XAF1: variants seen among roughly 807,000 people sequenced by gnomAD.
XAF1 encodes XIAP-associated factor 1.
XAF1 carries 32 observed loss-of-function variants against 32.3 expected under a neutral mutation model. The observed-to-expected ratio is 0.99, with a 90% CI of 0.75 to 1.33. The LOEUF is 1.33. XAF1 is among the 40% of genes most tolerant of loss of function. The pLI, the probability that XAF1 is intolerant of heterozygous loss-of-function variation, is 0.00. For synonymous variants in XAF1, 120 were observed against 125.9 expected, an observed-to-expected ratio of 0.95 and a Z score of 0.31; for missense variants, 379 against 366.0, an observed-to-expected ratio of 1.04 and a Z score of -0.29.
At position 6,770,759 on chromosome 17, in the gene XAF1, A is replaced by AGAT. The variant is rs1205963828; in HGVS notation, c.626_628dup (p.Asp209dup). 1.2e-6 allele frequency: 2 copies of AGAT among 1,613,958 alleles called. No homozygotes were observed. Among genetic ancestry groups the AGAT allele is most frequent in the African/African-American group, 2.7e-5 (2 of 74,930 alleles). On this transcript the variant is annotated inframe_insertion, in exon 6 of 7. Transcript: ENST00000361842. ...AAAATCAAACTTCCACGATGGAGAAAGATGTTCGTCCAAAGACAAGAAGTA... is the reference window on the plus strand; with the variant it reads ...AAAATCAAACTTCCACGATGGAGAAAGATGATGTTCGTCCAAAGACAAGAAGTA...
chr17:6,757,951 G>T, intron 1 of XAF1, 138 bp from the exon 2 acceptor site: 1 of 1,165,432 alleles, frequency 8.6e-7, no homozygotes, highest in East Asian at 2.4e-5. Flanking sequence ...CAGGGAGTGT[G>T]GGGCAGGTGG....
intron 6 of XAF1, chr17:6,772,827 A>C (rs6502977): frequency 0.98 from 293,841 of 298,620 alleles, 144,598 homozygotes; most frequent in East Asian, 1. Context: ...CCCTACAAAC[A>C]AAACAGTGTG....
At chr17:6,768,464 T>C (rs182933417) in intron 5 of XAF1, among the ~76,000 whole-genome samples, 12 of 152,286 alleles carry the variant, frequency 7.9e-5, no homozygotes, top group African/African-American at 2.9e-4. Context: ...CTCACATTCT[T>C]CCTTGGATCC....
chr17:6,761,746 A>G (rs1049787955), intron 4 of XAF1: 1 of 965,410 alleles, frequency 1.0e-6, no homozygotes, highest in Non-Finnish European at 1.4e-6. Flanking sequence ...ACAACACAAC[A>G]CAGCTTCAAC....
intron 5 of XAF1, among the ~76,000 whole-genome samples, chr17:6,765,200 T>G (rs1040509792): frequency 6.6e-6 from 1 of 152,054 alleles, no homozygotes; most frequent in African/African-American, 2.4e-5. Flanking sequence ...GATCACAAGG[T>G]CAGGAGATCG....
At chr17:6,760,349 A>AG (rs1975088154) in intron 3 of XAF1, 57 bp from the exon 4 acceptor site, 1 of 614,218 alleles carries the variant, frequency 1.6e-6, no homozygotes, top group Non-Finnish European at 2.3e-6. Context: ...CTCTGTCTCA[A>AG]AAAAAAAAAA....
rs79865199 is a variant in XAF1 at position 6,767,542 on chromosome 17, A to T, written c.508-3101A>T. Among the ~76,000 whole-genome samples the T allele has an allele frequency of 2.5e-3, 377 of 152,318 alleles. 3 individuals are homozygous for T. Among genetic ancestry groups the T allele is most frequent in the African/African-American group, 8.7e-3 (362 of 41,582 alleles). On this transcript the variant is annotated intron_variant, in intron 5 of 6. Coordinates refer to ENST00000361842, the MANE Select transcript of XAF1 (RefSeq NM_017523.5). ...CAAAAGTTTTCCAGGCTTGAACTAT[A>T]CTTTGTTTGTTTTCTTTTTTCTAAA...
chr17:6,760,650 C>A, intron 4 of XAF1, 49 bp downstream of exon 4: 1 of 1,554,818 alleles, frequency 6.4e-7, no homozygotes, highest in South Asian at 1.2e-5. Flanking sequence ...GGGCCAGAGC[C>A]TTTCCTGGAT....
At chr17:6,759,797 C>A in intron 3 of XAF1, 79 bp downstream of exon 3, 1 of 1,607,776 alleles carries the variant, frequency 6.2e-7, no homozygotes, top group African/African-American at 1.3e-5. Flanking sequence ...AACGGGAGGC[C>A]AGTAATAGAG....
rs1471845619 is a variant in XAF1 at position 6,770,823 on chromosome 17, A to G, written c.688A>G (p.Lys230Glu). 1 of 1,613,668 alleles carries G rather than the reference A, an allele frequency of 6.2e-7. No homozygotes were observed. The highest frequency in any genetic ancestry group is 1.1e-5 in the South Asian group (1 of 90,890). Residue 230 changes from lysine to glutamate, a missense_variant, in exon 6 of 7, where the codon AAA becomes GAA. Coordinates refer to ENST00000361842, the MANE Select transcript of XAF1 (RefSeq NM_017523.5). ...TCTTCATTCTGAAAGTTCATCAAAG[A>G]AAGCACCAAGAAGCAAAAACAAAAC... ...FPLHSESSSK[K>E]APRSKNKTLD...
Position 6,762,180 on chromosome 17 carries a change from G to A in XAF1, c.447G>A (p.Arg149=). 1.9e-6 allele frequency: 3 copies of A among 1,613,740 alleles called. No individual in the cohort carries two copies. The highest frequency in any genetic ancestry group is 2.5e-6 in the Non-Finnish European group (3 of 1,179,822). The change falls in exon 5 of 7, where the codon AGG becomes AGA. Residue 149 remains arginine, a synonymous_variant. Coordinates refer to ENST00000361842, the MANE Select transcript of XAF1 (RefSeq NM_017523.5). ...GKGERISAPE[R]EIYCHYCNQM... ...GGGAAAGAATTTCAGCTCCTGAAAG[G>A]GAAATCTACTGTCATTATTGCAACC...
At chr17:6,759,132 A>T in intron 2 of XAF1, 1 of 1,017,906 alleles carries the variant, frequency 9.8e-7, no homozygotes, top group Non-Finnish European at 1.2e-6. Flanking sequence ...GACTCACTTG[A>T]GGGCCATGGG....
intron 1 of XAF1, chr17:6,756,406 C>T (rs1452442637): frequency 1.5e-6 from 1 of 687,864 alleles, no homozygotes; most frequent in Non-Finnish European, 2.2e-6. Flanking sequence ...GCTACTCATA[C>T]TTGTGAGACC....
In XAF1 at chr17:6,759,793, A is replaced by G. The variant is rs1975031615; in HGVS notation, c.225+75A>G. 3 of 1,609,950 alleles carry G rather than the reference A, an allele frequency of 1.9e-6. No homozygotes were observed. The South Asian group carries it at 3.3e-5, about 18-fold the overall frequency. On this transcript the variant is annotated intron_variant, in intron 3 of 6. Transcript: ENST00000361842. ...GAAAAGGAGAGGAAGGGGAAACGGG[A>G]GGCCAGTAATAGAGATTTCCACCTG...
rs115658834 is a variant in XAF1 at position 6,763,272 on chromosome 17, T to C, written c.507+1032T>C. Among the ~76,000 whole-genome samples the C allele has an allele frequency of 6.6e-3, 1,001 of 152,338 alleles. 11 individuals carry two copies. Among genetic ancestry groups the C allele is most frequent in the African/African-American group, 0.023 (948 of 41,574 alleles). On this transcript the variant is annotated intron_variant, in intron 5 of 6. Coordinates refer to ENST00000361842, the MANE Select transcript of XAF1 (RefSeq NM_017523.5). ...CACTTACCGTAACATTTTCAAGGTT[T>C]GCCCGTGTTGTAGTTGTGGCATGTG... is the stretch of plus-strand genomic sequence containing the variant.
rs1266323606 is a variant in XAF1 at position 6,774,036 on chromosome 17, A to AG, written c.*868dup. On this transcript the variant is annotated 3_prime_UTR_variant, in exon 7 of 7. Coordinates refer to ENST00000361842, the MANE Select transcript of XAF1 (RefSeq NM_017523.5). The stretch of plus-strand genomic sequence containing the variant: ...TACCAATAACATTCTTCACAGAATC[A>AG]GAAAAAAAAAGCATTAAAATTTATT... The AG allele has an allele frequency of 5.3e-5, 8 of 152,320 alleles. No individual in the cohort carries two copies. In the East Asian group the frequency reaches 9.6e-4, roughly 18 times the overall value. The allele number at this position is 152,320 out of a possible 1,614,324, so 9.4% of individuals were successfully genotyped here. A position where few individuals can be genotyped will look rare whatever the true frequency, so the allele number is the denominator to read the frequency against.
intron 1 of XAF1, 141 bp from the exon 2 acceptor site, chr17:6,757,948 T>G: frequency 1.8e-6 from 2 of 1,128,770 alleles, no homozygotes; most frequent in Non-Finnish European, 1.3e-6. Context: ...ACACAGGGAG[T>G]GTGGGGCAGG....
intron 1 of XAF1, 60 bp downstream of exon 1, chr17:6,756,170 A>T: frequency 1.9e-6 from 3 of 1,607,676 alleles, no homozygotes; most frequent in Non-Finnish European, 2.6e-6. Flanking sequence ...CGTAGACGAC[A>T]TAGGGCTGTT....
chr17:6,756,039 A>G, upstream of XAF1: 1 of 1,613,756 alleles, frequency 6.2e-7, no homozygotes, highest in Non-Finnish European at 8.5e-7. Context: ...CCTTGCCTGC[A>G]AGAAACGAAA....
Sources: gnomAD v4.1 joint callset for allele counts (sites outside exome capture counted in the v4.1 genomes callset) on GRCh38, gnomAD v4.1.1 for gene constraint, MANE v1.5 for transcripts, NCBI Gene and HGNC (gene_info 2026-07-23, HGNC 2026-07-21) for gene names.